TRIM44: variants seen among roughly 807,000 people sequenced by gnomAD.
The protein encoded by TRIM44 is tripartite motif-containing protein 44.
TRIM44 carries 13 observed loss-of-function variants against 37.4 expected under a neutral mutation model. The observed-to-expected ratio is 0.35, with a 90% confidence interval of 0.23 to 0.55. The LOEUF (loss-of-function observed/expected upper bound fraction) is 0.55, where lower values mean the gene tolerates loss of function less well. TRIM44 is among the 20% of genes least tolerant of loss of function. The pLI is 0.89. For missense variants in TRIM44, 426 were observed against 437.2 expected (o/e 0.97, Z 0.23); for synonymous variants, 175 against 157.2 (o/e 1.11, Z -0.85).
chr11:35,700,763 C>T (rs1851777651), intron 2 of TRIM44, among the ~76,000 whole-genome samples: 1 of 152,090 alleles, frequency 6.6e-6, no homozygotes, highest in African/African-American at 2.4e-5. Flanking sequence ...TCCATATGTC[C>T]CCGGGACTTA....
At chr11:35,789,592 T>G (rs1853175684) in intron 4 of TRIM44, among the ~76,000 whole-genome samples, 1 of 152,242 alleles carries the variant, frequency 6.6e-6, no homozygotes, top group South Asian at 2.1e-4. Flanking sequence ...TTGATTTCTC[T>G]GGCTGTGCAC....
chr11:35,670,906 C>A (rs1049529116), intron 1 of TRIM44, among the ~76,000 whole-genome samples: 2 of 152,104 alleles, frequency 1.3e-5, no homozygotes, highest in African/African-American at 4.8e-5. Context: ...CATTTTGATT[C>A]GATAAAGATA....
intron 4 of TRIM44, among the ~76,000 whole-genome samples, chr11:35,743,705 A>G (rs1852444514): frequency 6.6e-6 from 1 of 152,172 alleles, no homozygotes; most frequent in Non-Finnish European, 1.5e-5. Flanking sequence ...CATCATTATC[A>G]TCACTAATGT....
At chr11:35,705,078 C>A (rs796877756) in intron 2 of TRIM44, among the ~76,000 whole-genome samples, 3 of 147,506 alleles carry the variant, frequency 2.0e-5, no homozygotes, top group African/African-American at 7.6e-5. Context: ...TCTACCAAGC[C>A]AATGGAAAAC....
At chr11:35,804,226 C>G (rs642340) in intron 4 of TRIM44, among the ~76,000 whole-genome samples, 148,426 of 152,302 alleles carry the variant, frequency 0.97, 72,400 homozygotes, top group East Asian at 1. Flanking sequence ...CCCAAGAACA[C>G]GTCTCTTTTA....
intron 4 of TRIM44, among the ~76,000 whole-genome samples, chr11:35,776,992 T>A (rs1351149573): frequency 6.6e-6 from 1 of 152,196 alleles, no homozygotes; most frequent in Non-Finnish European, 1.5e-5. Flanking sequence ...AGAGCTGAGT[T>A]CAAGTCCTGG....
intron 2 of TRIM44, among the ~76,000 whole-genome samples, chr11:35,703,594 C>T (rs569542430): frequency 6.6e-5 from 10 of 152,280 alleles, no homozygotes; most frequent in South Asian, 6.2e-4. Context: ...CGGCAGCATT[C>T]GCGGTTCACA....
chr11:35,794,220 CT>C (rs1187090612), intron 4 of TRIM44, among the ~76,000 whole-genome samples: 1 of 152,154 alleles, frequency 6.6e-6, no homozygotes, highest in African/African-American at 2.4e-5. Flanking sequence ...TAAGTATCCC[CT>C]CACCTCTATC....
At chr11:35,678,548 T>G (rs1851488684) in intron 1 of TRIM44, among the ~76,000 whole-genome samples, 1 of 152,064 alleles carries the variant, frequency 6.6e-6, no homozygotes, top group Non-Finnish European at 1.5e-5. Flanking sequence ...TTGACAAAAC[T>G]TTGCTTTCTG....
At chr11:35,769,588 C>T (rs1852840148) in intron 4 of TRIM44, among the ~76,000 whole-genome samples, 1 of 152,152 alleles carries the variant, frequency 6.6e-6, no homozygotes, top group Non-Finnish European at 1.5e-5. Context: ...TTTATGTAAA[C>T]TCTTCAGCTT....
chr11:35,775,046 A>G (rs559705197), intron 4 of TRIM44, among the ~76,000 whole-genome samples: 1 of 152,310 alleles, frequency 6.6e-6, no homozygotes, highest in Admixed American at 6.5e-5. Flanking sequence ...TTGAATCTAT[A>G]AATTACCTTG....
rs1255247688 is a variant in TRIM44 at position 35,813,149 on chromosome 11, T to A, written c.*6764T>A. ...AGCTGTCACGGCCACAGCATACCATTTGCCTTATAAAAATGGCCCACAACC... is the reference window on the plus strand; with the variant it reads ...AGCTGTCACGGCCACAGCATACCATATGCCTTATAAAAATGGCCCACAACC... On this transcript the variant is annotated 3_prime_UTR_variant, in exon 5 of 5. Coordinates refer to ENST00000299413, the MANE Select transcript of TRIM44 (RefSeq NM_017583.6). 1 of 152,194 alleles carries A rather than the reference T, an allele frequency of 6.6e-6. No homozygotes were observed. The highest frequency in any genetic ancestry group is 1.5e-5 in the Non-Finnish European group (1 of 68,038). The allele number at this position is 152,194 out of a possible 1,614,324, so 9.4% of individuals were successfully genotyped here.
rs550638158 is a variant in TRIM44 at position 35,758,097 on chromosome 11, G to T, written c.1007+22652G>T. Among the ~76,000 whole-genome samples, 912 of 152,188 alleles carry T rather than the reference G, an allele frequency of 6.0e-3. 10 individuals carry two copies. The highest frequency in any genetic ancestry group is 9.7e-3 in the Non-Finnish European group (661 of 68,006). ...TTGATCTGTCTAATGTTGACAGTGG[G>T]GTGTTAAAGTCTCCCATTATTATTG... On this transcript the variant is annotated intron_variant, in intron 4 of 4. Transcript: ENST00000299413.
intron 4 of TRIM44, among the ~76,000 whole-genome samples, chr11:35,742,495 T>C (rs1395387500): frequency 7.4e-6 from 1 of 135,102 alleles, no homozygotes; most frequent in Non-Finnish European, 1.5e-5. Context: ...GTATTATATA[T>C]AATTATATTA....
chr11:35,692,886 G>A (rs1410312683), intron 2 of TRIM44, among the ~76,000 whole-genome samples: 1 of 151,322 alleles, frequency 6.6e-6, no homozygotes, highest in Non-Finnish European at 1.5e-5. Flanking sequence ...TCATGCCACT[G>A]CACTCCAGCC....
At chr11:35,676,696 G>A (rs1851463194) in intron 1 of TRIM44, among the ~76,000 whole-genome samples, 1 of 152,198 alleles carries the variant, frequency 6.6e-6, no homozygotes, top group South Asian at 2.1e-4. Context: ...CATGGGGAGA[G>A]ATGTAAGGTT....
chr11:35,793,352 C>T (rs1853242411), intron 4 of TRIM44, among the ~76,000 whole-genome samples: 1 of 151,896 alleles, frequency 6.6e-6, no homozygotes, highest in African/African-American at 2.4e-5. Context: ...TGGTGAAAAC[C>T]CGTCGCTACT....
At chr11:35,772,844 C>G (rs1852892250) in intron 4 of TRIM44, among the ~76,000 whole-genome samples, 1 of 152,100 alleles carries the variant, frequency 6.6e-6, no homozygotes, top group African/African-American at 2.4e-5. Flanking sequence ...TAAGTTAAGA[C>G]TTTGGGGGAC....
rs1853521331 is a variant in TRIM44, at chr11:35,810,941, A to G, written c.*4556A>G. On this transcript the variant is annotated 3_prime_UTR_variant, in exon 5 of 5. Transcript: ENST00000299413. ...CACGTTTGGGTTAATGTTTCAGTAT[A>G]TCATTTTCATACTGTAAATTATTTT... is the stretch of plus-strand genomic sequence containing the variant. 1 of 152,188 alleles carries G rather than the reference A, an allele frequency of 6.6e-6. No homozygotes were observed. The highest frequency in any genetic ancestry group is 2.4e-5 in the African/African-American group (1 of 41,438). 9.4% of individuals were successfully genotyped at this position (152,188 alleles called of 1,614,324 possible).
Sources: allele counts gnomAD v4.1 joint callset (sites outside exome capture counted in the v4.1 genomes callset), GRCh38; gene constraint gnomAD v4.1.1; transcripts MANE v1.5; gene names NCBI Gene and HGNC (gene_info 2026-07-23, HGNC 2026-07-21).